CLEC16A: variants seen among roughly 807,000 people sequenced by gnomAD.
CLEC16A encodes the protein C-type lectin domain containing 16A.
A neutral mutation model predicts 109.5 loss-of-function variants in CLEC16A; 51 were observed. The ratio of observed to expected loss-of-function variants is 0.47; its 90% CI spans 0.37 to 0.59. CLEC16A has a LOEUF of 0.59. Among genes scored for constraint, CLEC16A ranks in the 20% least tolerant of loss-of-function variants. The pLI is 0.00. For synonymous variants in CLEC16A, 673 were observed against 564.2 expected (o/e 1.19, Z -2.73); for missense variants, 1,339 against 1,394.0 (o/e 0.96, Z 0.63).
chr16:11,137,799 A>G (rs1002358242), intron 22 of CLEC16A, among the ~76,000 whole-genome samples: 1 of 151,686 alleles, frequency 6.6e-6, no homozygotes, highest in African/African-American at 2.4e-5. Context: ...ACAGAGCGAG[A>G]CTCCCTCTCA....
At chr16:11,125,601 C>T (rs1173878031) in intron 21 of CLEC16A, among the ~76,000 whole-genome samples, 2 of 152,238 alleles carry the variant, frequency 1.3e-5, no homozygotes, top group African/African-American at 4.8e-5. Context: ...TGTGAACTCT[C>T]TGGGCAGACT....
intron 22 of CLEC16A, among the ~76,000 whole-genome samples, chr16:11,142,093 G>C (rs957907400): frequency 2.0e-5 from 3 of 152,166 alleles, no homozygotes; most frequent in Non-Finnish European, 4.4e-5. Context: ...TTCACAGCAG[G>C]GAGGCAGGTA....
At chr16:11,079,198 A>G (rs1323964708) in intron 19 of CLEC16A, among the ~76,000 whole-genome samples, 2 of 152,218 alleles carry the variant, frequency 1.3e-5, no homozygotes, top group African/African-American at 2.4e-5. Flanking sequence ...TCCCTGCAGC[A>G]CTGAAACTCC....
At chr16:10,978,872 A>G (rs1182184770) in intron 8 of CLEC16A, among the ~76,000 whole-genome samples, 2 of 152,172 alleles carry the variant, frequency 1.3e-5, no homozygotes, top group African/African-American at 2.4e-5. Flanking sequence ...CTTCTCTAAC[A>G]GGGTGGGTGT....
At chr16:11,118,381 T>G (rs2052162160) in intron 19 of CLEC16A, among the ~76,000 whole-genome samples, 1 of 152,096 alleles carries the variant, frequency 6.6e-6, no homozygotes, top group Admixed American at 6.5e-5. Context: ...ACGTTAATTC[T>G]CATTTTACAA....
chr16:11,022,114 A>T (rs1352707873), intron 12 of CLEC16A, among the ~76,000 whole-genome samples: 1 of 152,136 alleles, frequency 6.6e-6, no homozygotes, highest in Non-Finnish European at 1.5e-5. Context: ...ATGGAAGCTG[A>T]TTCAGTTGCC....
At chr16:11,039,708 C>A in intron 13 of CLEC16A, 46 bp from the exon 14 acceptor site, 1 of 1,560,712 alleles carries the variant, frequency 6.4e-7, no homozygotes, top group East Asian at 2.4e-5. Context: ...ATGAGGAGGT[C>A]AGGTAGTCAG....
intron 9 of CLEC16A, among the ~76,000 whole-genome samples, chr16:10,982,575 C>T (rs906321833): frequency 2.0e-5 from 3 of 152,292 alleles, no homozygotes; most frequent in South Asian, 2.1e-4. Context: ...TGTTCTTTCC[C>T]GCATTGCTCC....
chr16:11,145,680 G>A (rs2054023462), intron 22 of CLEC16A, among the ~76,000 whole-genome samples: 1 of 152,274 alleles, frequency 6.6e-6, no homozygotes, highest in Non-Finnish European at 1.5e-5. Flanking sequence ...AGGACAGCAG[G>A]TGGCTGGATT....
chr16:11,119,285 G>A (rs1259559258), intron 19 of CLEC16A, among the ~76,000 whole-genome samples: 1 of 152,214 alleles, frequency 6.6e-6, no homozygotes, highest in African/African-American at 2.4e-5. Context: ...TTACAGGCAT[G>A]AGCCACAGCA....
intron 10 of CLEC16A, among the ~76,000 whole-genome samples, chr16:10,999,393 A>G (rs919989342): frequency 6.6e-6 from 1 of 152,200 alleles, no homozygotes; most frequent in Non-Finnish European, 1.5e-5. Context: ...CTTTCCAGGA[A>G]AAGTCGCATT....
At chr16:10,947,933 G>A (rs563180104) in intron 1 of CLEC16A, among the ~76,000 whole-genome samples, 33 of 151,702 alleles carry the variant, frequency 2.2e-4, no homozygotes, top group Non-Finnish European at 3.2e-4. Context: ...TTGCTCTGTT[G>A]CCCAGGCTGG....
At chr16:10,977,540 G>A (rs1238742450) in intron 8 of CLEC16A, 141 bp downstream of exon 8, 1 of 847,372 alleles carries the variant, frequency 1.2e-6, no homozygotes, top group Non-Finnish European at 1.8e-6. Flanking sequence ...AAAAGACGGA[G>A]TTTTGCTCTT....
intron 11 of CLEC16A, among the ~76,000 whole-genome samples, chr16:11,006,558 A>G (rs1421223415): frequency 6.6e-6 from 1 of 152,074 alleles, no homozygotes; most frequent in Non-Finnish European, 1.5e-5. Context: ...AGATGCTGAC[A>G]CTCTGCCTCT....
At chr16:11,043,402 T>C (rs1040432844) in intron 15 of CLEC16A, among the ~76,000 whole-genome samples, 1 of 152,138 alleles carries the variant, frequency 6.6e-6, no homozygotes, top group Non-Finnish European at 1.5e-5. Flanking sequence ...AGATTGAGAC[T>C]GTCTTGGAAA....
intron 4 of CLEC16A, among the ~76,000 whole-genome samples, 170 bp downstream of exon 4, chr16:10,969,479 A>AT (rs1021017302): frequency 2.0e-5 from 3 of 152,014 alleles, no homozygotes; most frequent in Non-Finnish European, 4.4e-5. Flanking sequence ...TGTTTAAAAA[A>AT]TTTTTTTAAT....
chr16:11,127,966 G>A (rs896522834), intron 22 of CLEC16A, among the ~76,000 whole-genome samples: 1 of 152,198 alleles, frequency 6.6e-6, no homozygotes, highest in African/African-American at 2.4e-5. Context: ...CTGTTTCAGG[G>A]TCAGGAGGAT....
intron 9 of CLEC16A, among the ~76,000 whole-genome samples, chr16:10,981,601 A>G (rs941778193): frequency 1.3e-5 from 2 of 152,198 alleles, no homozygotes; most frequent in African/African-American, 4.8e-5. Context: ...TACCCTGAGC[A>G]CCCAACTGCA....
intron 19 of CLEC16A, among the ~76,000 whole-genome samples, chr16:11,064,961 G>A (rs1940249118): frequency 6.6e-6 from 1 of 152,176 alleles, no homozygotes; most frequent in African/African-American, 2.4e-5. Flanking sequence ...TGGGCTCCAT[G>A]GGGCTGGCAT....
Sources: gnomAD v4.1 joint callset for allele counts (sites outside exome capture counted in the v4.1 genomes callset) on GRCh38, gnomAD v4.1.1 for gene constraint, MANE v1.5 for transcripts, NCBI Gene and HGNC (gene_info 2026-07-23, HGNC 2026-07-21) for gene names.